RFX8: variants seen among roughly 807,000 people sequenced by gnomAD.
RFX8 encodes the protein DNA-binding protein RFX8.
RFX8 carries 46 observed loss-of-function variants against 54.6 expected under a neutral mutation model. The observed-to-expected ratio is 0.84, with a 90% CI of 0.67 to 1.08. The LOEUF is 1.08. RFX8 is among the 50% of genes least tolerant of loss of function. RFX8 has a pLI of 0.00. For missense variants in RFX8, 536 were observed against 562.3 expected (o/e 0.95, Z 0.47); for synonymous variants, 192 against 209.5 (o/e 0.92, Z 0.72).
At chr2:101,428,251 C>A (rs1043002129) in intron 2 of RFX8, among the ~76,000 whole-genome samples, 1 of 152,092 alleles carries the variant, frequency 6.6e-6, no homozygotes, top group Admixed American at 6.5e-5. Context: ...CATCTCAAAA[C>A]AACAACAACA....
At chr2:101,402,072 G>A (rs181762345) in intron 11 of RFX8, among the ~76,000 whole-genome samples, 83 of 152,288 alleles carry the variant, frequency 5.5e-4, no homozygotes, top group Non-Finnish European at 1.2e-3. Context: ...CAGACTATTC[G>A]ACGTTTCCGT....
At chr2:101,474,409 C>A (rs1398396057) in intron 1 of RFX8, 10 of 379,168 alleles carry the variant, frequency 2.6e-5, no homozygotes, top group Non-Finnish European at 4.2e-5. Flanking sequence ...GCGCGCGGGG[C>A]GCGGGGCGGG....
Position 101,402,738 on chromosome 2 carries a change from A to C in RFX8, c.943T>G (p.Phe315Val), listed in dbSNP as rs1179950352. 3 of 1,546,206 alleles carry C rather than the reference A, an allele frequency of 1.9e-6. No homozygotes were observed. Among genetic ancestry groups the C allele is most frequent in the Non-Finnish European group, 2.6e-6 (3 of 1,142,226 alleles). The change falls in exon 11 of 12, where the codon TTT becomes GTT. Residue 315 changes from phenylalanine to valine, a missense_variant. Transcript: ENST00000428343. ...ATATATTCCAAAAGCAACAAGTGAA[A>C]CAGATGCCAGGAGCCTACATTTAGA... is the stretch of plus-strand genomic sequence containing the variant. Reference protein sequence around the residue: ...HRDSFGSWHLFHLLLLEYMIH... With the variant: ...HRDSFGSWHLVHLLLLEYMIH...
intron 2 of RFX8, among the ~76,000 whole-genome samples, chr2:101,448,629 T>A (rs944527137): frequency 2.0e-5 from 3 of 152,220 alleles, no homozygotes; most frequent in Non-Finnish European, 4.4e-5. Flanking sequence ...TAAATGGACA[T>A]CTTAGCCTCC....
rs577286577 is a variant in RFX8, at chr2:101,433,280, C to T, written c.73-10808G>A. On this transcript the variant is annotated intron_variant, in intron 2 of 11. Transcript: ENST00000428343. Reference sequence around the variant, plus strand: ...CACTGGAACACGGGGACTCAGAGGTCCCCCAGGTCTTACACAATGGTCTGA... The same window carrying T: ...CACTGGAACACGGGGACTCAGAGGTTCCCCAGGTCTTACACAATGGTCTGA... 1.6e-3 allele frequency among the ~76,000 whole-genome samples: 243 copies of T among 152,158 alleles called. 2 individuals carry two copies. The highest frequency in any genetic ancestry group is 5.5e-3 in the African/African-American group (227 of 41,508).
At chr2:101,401,566 G>A (rs1369206577) in intron 11 of RFX8, among the ~76,000 whole-genome samples, 4 of 152,112 alleles carry the variant, frequency 2.6e-5, no homozygotes, top group Non-Finnish European at 5.9e-5. Flanking sequence ...GGCGGATAGC[G>A]GCTAAACATC....
intron 2 of RFX8, among the ~76,000 whole-genome samples, chr2:101,466,542 G>T (rs899914006): frequency 6.6e-6 from 1 of 152,118 alleles, no homozygotes; most frequent in Non-Finnish European, 1.5e-5. Context: ...ATTCCCTTAG[G>T]TGCTACCCAT....
At chr2:101,460,758 A>G (rs199834067) in intron 2 of RFX8, among the ~76,000 whole-genome samples, 2 of 147,818 alleles carry the variant, frequency 1.4e-5, no homozygotes, top group Non-Finnish European at 3.0e-5. Flanking sequence ...TTTTTTTTTA[A>G]TTAGCTCCCA....
At chr2:101,404,358 A>C (rs1035561787) in intron 10 of RFX8, among the ~76,000 whole-genome samples, 1 of 152,214 alleles carries the variant, frequency 6.6e-6, no homozygotes, top group Non-Finnish European at 1.5e-5. Flanking sequence ...TGTTCAAACT[A>C]CTGGTGTGAA....
rs1427089026 is a variant in RFX8, at chr2:101,417,692, A to G, written c.352-8T>C. ...GAGAACATCCTCAATTCCCTACAAC[A>G]AAAGTAACAAGACACTATGATTCTG... is the stretch of plus-strand genomic sequence containing the variant. On this transcript the variant is annotated splice_polypyrimidine_tract_variant and splice_region_variant and intron_variant, in intron 5 of 11. Transcript: ENST00000428343. 3.9e-6 allele frequency: 6 copies of G among 1,543,924 alleles called. No individual in the cohort carries two copies.
chr2:101,468,330 T>G (rs951948879), intron 1 of RFX8, among the ~76,000 whole-genome samples: 7 of 152,222 alleles, frequency 4.6e-5, no homozygotes, highest in Admixed American at 2.0e-4. Context: ...TTCTCCTTGT[T>G]TCTGGTGATT....
At chr2:101,445,754 CCTAA>C (rs1688341900) in intron 2 of RFX8, among the ~76,000 whole-genome samples, 1 of 151,820 alleles carries the variant, frequency 6.6e-6, no homozygotes, top group Non-Finnish European at 1.5e-5. Flanking sequence ...ATTCTTTTTT[CCTAA>C]CTAAGCTAAT....
At chr2:101,443,050 T>C (rs1688184200) in intron 2 of RFX8, among the ~76,000 whole-genome samples, 1 of 152,106 alleles carries the variant, frequency 6.6e-6, no homozygotes, top group African/African-American at 2.4e-5. Context: ...CCCAAAATTA[T>C]TTTGCCTGAT....
At chr2:101,420,748 G>T (rs1293926331) in intron 4 of RFX8, among the ~76,000 whole-genome samples, 11 of 152,110 alleles carry the variant, frequency 7.2e-5, no homozygotes, top group African/African-American at 2.7e-4. Context: ...AACGTGGCCT[G>T]CTTTGGAAGC....
intron 2 of RFX8, among the ~76,000 whole-genome samples, chr2:101,447,574 C>T (rs926599209): frequency 1.2e-4 from 18 of 152,114 alleles, no homozygotes; most frequent in African/African-American, 3.4e-4. Context: ...TTAGCATATC[C>T]GTTACCTTAA....
In RFX8 at chr2:101,407,460, C is replaced by A. The variant is rs540264435; in HGVS notation, c.814-1403G>T. On this transcript the variant is annotated intron_variant, in intron 9 of 11. Coordinates refer to ENST00000428343, the MANE Select transcript of RFX8 (RefSeq NM_001145664.2). Reference sequence around the variant, plus strand: ...TAATCCCAGCACTTTGAGAGGCAGACGCAGGTGGATCATTTGAGGTCAGGA... The same window carrying A: ...TAATCCCAGCACTTTGAGAGGCAGAAGCAGGTGGATCATTTGAGGTCAGGA... 2.1e-3 allele frequency among the ~76,000 whole-genome samples: 321 copies of A among 152,192 alleles called. 4 individuals are homozygous for A. Among genetic ancestry groups the A allele is most frequent in the African/African-American group, 7.4e-3 (309 of 41,524 alleles).
In RFX8 at chr2:101,397,592, T is replaced by C; in HGVS notation, c.1378A>G (p.Ser460Gly). The change falls in exon 12 of 12, where the codon AGC becomes GGC. Residue 460 changes from serine to glycine, a missense_variant. Coordinates refer to ENST00000428343, the MANE Select transcript of RFX8 (RefSeq NM_001145664.2). ...FVIQISDVPQ[S>G]SEDIYFRENN... ...TCTCTGAAATAAATATCTTCAGAGCTTTGGGGTACATCTGATATCTGAATC... is the reference window on the plus strand; with the variant it reads ...TCTCTGAAATAAATATCTTCAGAGCCTTGGGGTACATCTGATATCTGAATC... The C allele has an allele frequency of 6.4e-7, 1 of 1,550,574 alleles. No individual in the cohort carries two copies. The highest frequency in any genetic ancestry group is 2.4e-5 in the East Asian group (1 of 40,864).
Position 101,450,455 on chromosome 2 carries a change from TC to T in RFX8, c.72+16321del, listed in dbSNP as rs957856793. ...CCAGGCTGGTCTTGAACTACTGAAC[TC>T]AACTCAAGCGGTTCTTGTGCCCCAG... is the stretch of plus-strand genomic sequence containing the variant. On this transcript the variant is annotated intron_variant, in intron 2 of 11. Transcript: ENST00000428343. The T allele has an allele frequency of 5.5e-6, 3 of 546,842 alleles. No individual in the cohort carries two copies. In the African/African-American group the frequency reaches 5.7e-5, roughly 10 times the overall value. 33.9% of individuals were successfully genotyped at this position (546,842 alleles called of 1,614,324 possible).
chr2:101,420,882 A>G (rs536570607), intron 4 of RFX8, among the ~76,000 whole-genome samples: 3 of 152,222 alleles, frequency 2.0e-5, no homozygotes, highest in Non-Finnish European at 4.4e-5. Context: ...ATTACCAACT[A>G]CTAACTTCTC....
Sources: allele counts gnomAD v4.1 joint callset (sites outside exome capture counted in the v4.1 genomes callset), GRCh38; gene constraint gnomAD v4.1.1; transcripts MANE v1.5; gene names NCBI Gene and HGNC (gene_info 2026-07-23, HGNC 2026-07-21).